The following PRSS33 variants were observed in gnomAD, a reference collection of about 807,000 sequenced individuals.
PRSS33 encodes protease, serine 33.
PRSS33 carries 32 observed loss-of-function variants against 26.7 expected under a neutral mutation model. That is an observed-to-expected ratio of 1.20 (90% confidence interval 0.90 to 1.61). PRSS33 has a LOEUF of 1.61. PRSS33 is among the 40% of genes most tolerant of loss of function. PRSS33 has a pLI of 0.00. For synonymous variants in PRSS33, 192 were observed against 177.6 expected (o/e 1.08, Z -0.64); for missense variants, 450 against 396.3 (o/e 1.14, Z -1.15).
intron 1 of PRSS33, chr16:2,786,905 C>A (rs2068880834): frequency 6.9e-6 from 1 of 144,248 alleles, no homozygotes; most frequent in Admixed American, 7.7e-5. Flanking sequence ...CTCATCCTCA[C>A]CCCCTCCCTC....
At chr16:2,786,036 C>T (rs368419153) in intron 3 of PRSS33, 53 bp downstream of exon 3, 149 of 1,612,070 alleles carry the variant, frequency 9.2e-5, no homozygotes, top group Middle Eastern at 4.9e-4. Context: ...TGGGGAGACA[C>T]GGGGCCGAGG....
Position 2,785,140 on chromosome 16 carries a change from T to G in PRSS33, c.546A>C (p.Gly182=), listed in dbSNP as rs745350400. The G allele has an allele frequency of 2.4e-5, 37 of 1,542,898 alleles. No individual in the cohort carries two copies. The South Asian group carries it at 3.7e-4, about 15-fold the overall frequency. ...GCGAGTCCAGCAGCGGCACCCTTAC[T>G]CCTTGTAGCGGTCGCCACTCTGGGA... The part of the protein sequence containing the change: ...VPLPEWRPLQ[G]VRVPLLDSRT... The change falls in exon 6 of 7, where the codon GGA becomes GGC. Residue 182 remains glycine, a synonymous_variant. Transcript: ENST00000682474.
chr16:2,785,734 C>A (rs1221161443), intron 4 of PRSS33, 65 bp downstream of exon 4: 4 of 1,495,542 alleles, frequency 2.7e-6, no homozygotes, highest in Non-Finnish European at 3.5e-6. Flanking sequence ...TGCCAGGCCA[C>A]GCCCGGTCCT....
At position 2,784,585 on chromosome 16, in the gene PRSS33, T is replaced by C. The variant is rs1458773694; in HGVS notation, c.*59A>G. On this transcript the variant is annotated 3_prime_UTR_variant, in exon 7 of 7. Transcript: ENST00000682474. ...TGTGGGGTATAGGCAGGTGCCTGGA[T>C]GAACCAGGAGGCTGAGGGACCCCAG... is the stretch of plus-strand genomic sequence containing the variant. The C allele has an allele frequency of 6.7e-7, 1 of 1,493,776 alleles. No homozygotes were observed. The highest frequency in any genetic ancestry group is 9.0e-7 in the Non-Finnish European group (1 of 1,112,268). 92.5% of individuals were successfully genotyped at this position (1,493,776 alleles called of 1,614,324 possible).
Position 2,785,642 on chromosome 16 carries a change from C to T in PRSS33, c.247G>A (p.Ala83Thr), listed in dbSNP as rs1373548406. The change falls in exon 5 of 7, where the codon GCA (alanine) becomes ACA (threonine). Residue 83 changes from alanine (A) to threonine (T), a missense_variant. Transcript: ENST00000682474. ...LTAAHCFPRR[A>T]LPAEYRVRLG... ...CGCACGCGGTACTCAGCTGGCAGTGCCCTCCTGCAGGACAGGAGCGGGGGA... is the reference window on the plus strand; with the variant it reads ...CGCACGCGGTACTCAGCTGGCAGTGTCCTCCTGCAGGACAGGAGCGGGGGA... The T allele has an allele frequency of 4.0e-6, 6 of 1,491,544 alleles. No homozygotes were observed. The South Asian group carries it at 6.4e-5, about 16-fold the overall frequency. 92.4% of individuals were successfully genotyped at this position (1,491,544 alleles called of 1,614,324 possible).
At chr16:2,786,668 C>G in intron 1 of PRSS33, 64 bp from the exon 2 acceptor site, 6 of 1,092,202 alleles carry the variant, frequency 5.5e-6, no homozygotes, top group Non-Finnish European at 6.7e-6. Flanking sequence ...CACACCAGCC[C>G]GTCACCCCCT....
In PRSS33 at chr16:2,785,917, C is replaced by CCCGGCCCCCAACGAT. The variant is rs1361616387; in HGVS notation, c.109_123dup (p.Ile37_Arg41dup). 2 of 1,612,124 alleles carry CCCGGCCCCCAACGAT rather than the reference C, an allele frequency of 1.2e-6. No homozygotes were observed. The highest frequency in any genetic ancestry group is 1.7e-6 in the Non-Finnish European group (2 of 1,179,700). ...CACGGCCACTCTCCGTCCCGGCCAT[C>CCCGGCCCCCAACGAT]CCGGCCCCCAACGATCCGACTGGAC... On this transcript the variant is annotated inframe_insertion, in exon 4 of 7. Transcript: ENST00000682474.
rs1350537373 is a variant in PRSS33 at position 2,786,582 on chromosome 16, C to T, written c.-35G>A. 17 of 1,611,784 alleles carry T rather than the reference C, an allele frequency of 1.1e-5. No homozygotes were observed. The highest frequency in any genetic ancestry group is 1.2e-5 in the Non-Finnish European group (14 of 1,179,004). On this transcript the variant is annotated 5_prime_UTR_variant, in exon 2 of 7. It adds an upstream start codon to the 5' untranslated region. Coordinates refer to ENST00000682474, the MANE Select transcript of PRSS33 (RefSeq NM_152891.3). ...AAGGCTGGGCTGGGTAAGGGTGGCA[C>T]TGCCTAGGGCTTGGACTCTGGTCTG... is the stretch of plus-strand genomic sequence containing the variant.
At position 2,786,122 on chromosome 16, in the gene PRSS33, C is replaced by T; in HGVS notation, c.47-1G>A. 1 of 1,613,294 alleles carries T rather than the reference C, an allele frequency of 6.2e-7. No individual in the cohort carries two copies. Among genetic ancestry groups the T allele is most frequent in the Non-Finnish European group, 8.5e-7 (1 of 1,179,610 alleles). ...TTCCTTCCCTGAGTCCCAGCAGCTCCTGGAGGAGGAAGCAGGGAAGGGACC... is the reference window on the plus strand; with the variant it reads ...TTCCTTCCCTGAGTCCCAGCAGCTCTTGGAGGAGGAAGCAGGGAAGGGACC... On this transcript the variant is annotated splice_acceptor_variant, in intron 2 of 6. Coordinates refer to ENST00000682474, the MANE Select transcript of PRSS33 (RefSeq NM_152891.3). LOFTEE classifies it high-confidence loss of function.
Position 2,786,522 on chromosome 16 carries a change from A to G in PRSS33, c.26T>C (p.Val9Ala). The change falls in exon 2 of 7, where the codon GTC (valine) becomes GCC (alanine). Residue 9 changes from valine (V) to alanine (A), a missense_variant. By Grantham distance (64) the Val-to-Ala change is moderately conservative. Coordinates refer to ENST00000682474, the MANE Select transcript of PRSS33 (RefSeq NM_152891.3). ...CTCACCCAGCACCAGAAGGAGCAGG[A>G]CCTGGAGACAGGAAACCCCTCTCAT... MRGVSCLQ[V>A]LLLLVLGAAG... The G allele has an allele frequency of 6.2e-7, 1 of 1,613,314 alleles. No homozygotes were observed. Among genetic ancestry groups the G allele is most frequent in the Non-Finnish European group, 8.5e-7 (1 of 1,179,710 alleles).
rs1425110863 is a variant in PRSS33, at chr16:2,784,715, G to A, written c.772C>T (p.Pro258Ser). Residue 258 changes from proline to serine, a missense_variant, in exon 7 of 7, where the codon CCC becomes TCC. Pro to Ser is a moderately conservative substitution (Grantham distance 74, BLOSUM62 -1). Transcript: ENST00000682474. ...CTGGTGTAGACCCCTGGACGGTTGGGCAGGGCACAACCCTTGCCCCAGCTC... is the reference window on the plus strand; with the variant it reads ...CTGGTGTAGACCCCTGGACGGTTGGACAGGGCACAACCCTTGCCCCAGCTC... Reference protein sequence around the residue: ...VVSWGKGCALPNRPGVYTSVA... With the variant: ...VVSWGKGCALSNRPGVYTSVA... 2 of 1,607,032 alleles carry A rather than the reference G, an allele frequency of 1.2e-6. No homozygotes were observed. Among genetic ancestry groups the A allele is most frequent in the Admixed American group, 3.4e-5 (2 of 59,430 alleles).
rs747951013 is a variant in PRSS33 at position 2,785,394 on chromosome 16, C to T, written c.495G>A (p.Trp165Ter). The change falls in exon 5 of 7, where the codon TGG becomes TGA. Residue 165 changes from tryptophan to a stop codon, truncating the protein, a stop_gained. Transcript: ENST00000682474. LOFTEE classifies it high-confidence loss of function. ...PPGTPCRVTGWGSLRPGVPLP... is the reference protein window; with the variant it reads ...PPGTPCRVTG ...CCTTACCTCCTGGGCGGAGGCTGCCCCAGCCGGTGACCCGGCATGGTGTGC... is the reference window on the plus strand; with the variant it reads ...CCTTACCTCCTGGGCGGAGGCTGCCTCAGCCGGTGACCCGGCATGGTGTGC... The T allele has an allele frequency of 3.5e-6, 5 of 1,432,306 alleles. No homozygotes were observed. The South Asian group carries it at 7.4e-5, about 21-fold the overall frequency. The allele number at this position is 1,432,306 out of a possible 1,614,324, so 88.7% of individuals were successfully genotyped here. A position where few individuals can be genotyped will look rare whatever the true frequency, so the allele number is the denominator to read the frequency against.
rs2150788532 is a variant in PRSS33 at position 2,784,441 on chromosome 16, T to G, written c.*203A>C. The G allele has an allele frequency of 4.3e-4, 177 of 408,642 alleles. No individual in the cohort carries two copies. Among genetic ancestry groups the G allele is most frequent in the East Asian group, 9.1e-4 (20 of 22,010 alleles). 25.3% of individuals were successfully genotyped at this position (408,642 alleles called of 1,614,324 possible). A position where few individuals can be genotyped will look rare whatever the true frequency, so the allele number is the denominator to read the frequency against. On this transcript the variant is annotated 3_prime_UTR_variant, in exon 7 of 7. Transcript: ENST00000682474. ...CTGGGACTCATGGCAGATTCCTGGA[T>G]GAGGGTTGGTGGAGTCAGAGCTGGT...
chr16:2,785,930 G>T lies in PRSS33; in HGVS notation c.111C>A (p.Ile37=). 1 of 1,612,464 alleles carries T rather than the reference G, an allele frequency of 6.2e-7. No homozygotes were observed. Among genetic ancestry groups the T allele is most frequent in the Non-Finnish European group, 8.5e-7 (1 of 1,179,798 alleles). ...CGTCCCGGCCATCCCGGCCCCCAACGATCCGACTGGACATGCGGGGCTGCC... is the reference window on the plus strand; with the variant it reads ...CGTCCCGGCCATCCCGGCCCCCAACTATCCGACTGGACATGCGGGGCTGCC... The part of the protein sequence containing the change: ...ACGQPRMSSR[I]VGGRDGRDGE... Residue 37 remains isoleucine, a synonymous_variant, in exon 4 of 7, where the codon ATC becomes ATA. Coordinates refer to ENST00000682474, the MANE Select transcript of PRSS33 (RefSeq NM_152891.3).
At position 2,785,250 on chromosome 16, in the gene PRSS33, A is replaced by T; in HGVS notation, c.515-79T>A. 4 of 1,449,870 alleles carry T rather than the reference A, an allele frequency of 2.8e-6. No homozygotes were observed. The South Asian group carries it at 4.0e-5, about 15-fold the overall frequency. The allele number at this position is 1,449,870 out of a possible 1,614,324, so 89.8% of individuals were successfully genotyped here. On this transcript the variant is annotated intron_variant, in intron 5 of 6. Coordinates refer to ENST00000682474, the MANE Select transcript of PRSS33 (RefSeq NM_152891.3). ...GAGAAGCTGAGCTCTGAGTGAGAGG[A>T]GGTTTTGTTCCCTAGAAGCCGCGCT...
chr16:2,784,530 T>G lies in PRSS33; in HGVS notation c.*114A>C. On this transcript the variant is annotated 3_prime_UTR_variant, in exon 7 of 7. Coordinates refer to ENST00000682474, the MANE Select transcript of PRSS33 (RefSeq NM_152891.3). ...GGGGGTGGGGTGGCCTTTAGCTTTT[T>G]TAGGCATCTTGGCCTCGAGGCAGAA... 9.5e-7 allele frequency: 1 copy of G among 1,047,822 alleles called. No homozygotes were observed. The highest frequency in any genetic ancestry group is 1.3e-6 in the Non-Finnish European group (1 of 741,270). The allele number at this position is 1,047,822 out of a possible 1,614,324, so 64.9% of individuals were successfully genotyped here.
At chr16:2,786,837 C>T (rs1219696219) in intron 1 of PRSS33, 1 of 321,610 alleles carries the variant, frequency 3.1e-6, no homozygotes, top group Non-Finnish European at 5.8e-6. Flanking sequence ...TGGAGCCTAA[C>T]CCCCCTCGGT....
At chr16:2,785,284 G>T in intron 5 of PRSS33, 91 bp downstream of exon 5, 1 of 1,448,920 alleles carries the variant, frequency 6.9e-7, no homozygotes, top group Non-Finnish European at 9.1e-7. Context: ...CTGGGTCCTG[G>T]ATTGGGGCAG....
At chr16:2,785,331 G>C (rs2068860224) in intron 5 of PRSS33, 44 bp downstream of exon 5, 1 of 1,457,856 alleles carries the variant, frequency 6.9e-7, no homozygotes, top group Non-Finnish European at 9.0e-7. Context: ...GGAGGAGGAC[G>C]TGGGGGCTCC....
Sources: gnomAD v4.1 joint callset for allele counts on GRCh38, gnomAD v4.1.1 for gene constraint, MANE v1.5 for transcripts, NCBI Gene and HGNC (gene_info 2026-07-23, HGNC 2026-07-21) for gene names.